AZIN2: variants seen among roughly 807,000 people sequenced by gnomAD.
The protein encoded by AZIN2 is antizyme inhibitor 2, also known as ODC antizyme inhibitor-2.
In AZIN2, 28 loss-of-function variants were observed where a neutral mutation model predicts 47.8. The ratio of observed to expected loss-of-function variants is 0.59; its 90% confidence interval spans 0.43 to 0.80. AZIN2 has a LOEUF of 0.80. Ranked by LOEUF, AZIN2 falls within the 30% of genes least tolerant of loss-of-function variation. The pLI is 0.00. For missense variants in AZIN2, 535 were observed against 582.5 expected (o/e 0.92, Z 0.84); for synonymous variants, 221 against 239.4 (o/e 0.92, Z 0.71).
At chr1:33,128,881 G>A in the AZIN2 span, among the ~76,000 whole-genome samples, 1 of 152,198 alleles carries the variant, frequency 6.6e-6, no homozygotes, top group Non-Finnish European at 1.5e-5. Context: ...TCCAAGTGGA[G>A]ATAATTGTGA....
At chr1:33,164,756 G>A in the AZIN2 span, 1 of 151,824 alleles carries the variant, frequency 6.6e-6, no homozygotes, top group East Asian at 1.9e-4. Flanking sequence ...TGACTCCTAG[G>A]CAATGGGCTT....
At chr1:33,105,387 A>T (rs936240910) in intron 10 of AZIN2, among the ~76,000 whole-genome samples, 1 of 152,080 alleles carries the variant, frequency 6.6e-6, no homozygotes, top group Non-Finnish European at 1.5e-5. Context: ...TAGTGTGTGT[A>T]TTAGTTTGTT....
chr1:33,158,897 A>G, the AZIN2 span, among the ~76,000 whole-genome samples: 1 of 151,868 alleles, frequency 6.6e-6, no homozygotes, highest in Non-Finnish European at 1.5e-5. Context: ...CTGAAGTGCA[A>G]TGGCGCGATC....
Position 33,120,349 on chromosome 1 carries a change from A to G in AZIN2, c.*167A>G. The G allele has an allele frequency of 1.1e-6, 1 of 892,234 alleles. No individual in the cohort carries two copies. The highest frequency in any genetic ancestry group is 1.7e-6 in the Non-Finnish European group (1 of 601,484). 55.3% of individuals were successfully genotyped at this position (892,234 alleles called of 1,614,324 possible). A position where few individuals can be genotyped will look rare whatever the true frequency, so the allele number is the denominator to read the frequency against. On this transcript the variant is annotated 3_prime_UTR_variant, in exon 12 of 12. Transcript: ENST00000294517. ...CTGCCCTGTAAATAGGACCAGTCTT[A>G]CACTCGCTGTAGTTCAAGTATGCAA...
At chr1:33,140,851 GT>G in the AZIN2 span, among the ~76,000 whole-genome samples, 1 of 152,206 alleles carries the variant, frequency 6.6e-6, no homozygotes, top group South Asian at 2.1e-4. The surrounding 1 kb of genome is among the most constrained non-coding windows in gnomAD (Gnocchi z 4.0). Context: ...GGTGCCTGGG[GT>G]TGTTGGAACC....
chr1:33,107,958 C>T (rs1469109957), intron 10 of AZIN2, among the ~76,000 whole-genome samples: 7 of 152,094 alleles, frequency 4.6e-5, no homozygotes, highest in Non-Finnish European at 8.8e-5. Flanking sequence ...ATCTTTTCCC[C>T]AGAAGTATAA....
intron 10 of AZIN2, among the ~76,000 whole-genome samples, chr1:33,101,276 C>T (rs867210684): frequency 6.6e-6 from 1 of 151,754 alleles, no homozygotes; most frequent in Non-Finnish European, 1.5e-5. Context: ...CAGCCCCAAG[C>T]GATTGTCCAG....
At chr1:33,115,030 T>C (rs1376517333) in intron 10 of AZIN2, among the ~76,000 whole-genome samples, 3 of 152,224 alleles carry the variant, frequency 2.0e-5, no homozygotes, top group Non-Finnish European at 2.9e-5. Context: ...TTGTTTTTTC[T>C]GTGGCTCTGT....
chr1:33,160,045 G>C, the AZIN2 span: 28 of 1,471,450 alleles, frequency 1.9e-5, no homozygotes, highest in African/African-American at 4.2e-5. Flanking sequence ...GAGAGGAAAG[G>C]GTGGGAAAGG....
At position 33,122,091 on chromosome 1, in the gene AZIN2, A is replaced by G. The variant is rs532622927; in HGVS notation, c.*1909A>G. On this transcript the variant is annotated 3_prime_UTR_variant, in exon 12 of 12. Transcript: ENST00000294517. ...ATTTACAGGTATTACCATGCCAGTAATTGTCTATCAGACTCTGAGACTTCT... is the reference window on the plus strand; with the variant it reads ...ATTTACAGGTATTACCATGCCAGTAGTTGTCTATCAGACTCTGAGACTTCT... 3.9e-5 allele frequency among the ~76,000 whole-genome samples: 6 copies of G among 152,236 alleles called. No individual in the cohort carries two copies. Among genetic ancestry groups the G allele is most frequent in the Non-Finnish European group, 7.3e-5 (5 of 68,036 alleles).
intron 10 of AZIN2, among the ~76,000 whole-genome samples, chr1:33,101,656 C>T (rs572524585): frequency 2.6e-5 from 4 of 152,258 alleles, no homozygotes; most frequent in African/African-American, 7.2e-5. Context: ...CATGCAAAGT[C>T]GTCACTATCT....
the AZIN2 span, among the ~76,000 whole-genome samples, chr1:33,144,012 C>T: frequency 2.6e-5 from 4 of 152,226 alleles, no homozygotes; most frequent in African/African-American, 7.2e-5. Context: ...TAAACCTAGT[C>T]CTTGCCTTTT....
chr1:33,149,617 G>A, the AZIN2 span, among the ~76,000 whole-genome samples: 1 of 150,276 alleles, frequency 6.7e-6, no homozygotes, highest in Non-Finnish European at 1.5e-5. Flanking sequence ...ACTATGCGCA[G>A]CTAATTTTTA....
chr1:33,087,886 A>T (rs889865272), intron 5 of AZIN2, among the ~76,000 whole-genome samples: 1 of 152,214 alleles, frequency 6.6e-6, no homozygotes, highest in African/African-American at 2.4e-5. Flanking sequence ...CTTCCTGTCC[A>T]GACACATGTC....
At chr1:33,116,655 G>C (rs950919086) in intron 10 of AZIN2, among the ~76,000 whole-genome samples, 3 of 152,210 alleles carry the variant, frequency 2.0e-5, no homozygotes, top group African/African-American at 7.2e-5. Context: ...AGTCTTCAGG[G>C]AAGACAGGCC....
chr1:33,093,239 C>T (rs775545446), intron 6 of AZIN2, 43 bp from the exon 7 acceptor site: 35 of 1,607,164 alleles, frequency 2.2e-5, no homozygotes, highest in South Asian at 5.5e-5. Context: ...TGGGGTGGGG[C>T]GACAGGGTTT....
intron 9 of AZIN2, 65 bp downstream of exon 9, chr1:33,096,934 C>A: frequency 6.2e-7 from 1 of 1,600,864 alleles, no homozygotes; most frequent in Non-Finnish European, 8.5e-7. Context: ...GTTGGCTGAG[C>A]AGGATCTGGT....
chr1:33,100,357 A>G (rs750314647), intron 10 of AZIN2, among the ~76,000 whole-genome samples: 4 of 151,660 alleles, frequency 2.6e-5, no homozygotes, highest in Admixed American at 6.6e-5. Flanking sequence ...AAAAAGTTGT[A>G]TGAAACATAA....
chr1:33,159,822 G>A, the AZIN2 span: 375 of 1,613,822 alleles, frequency 2.3e-4, 1 homozygote, highest in African/African-American at 2.9e-3. The surrounding 1 kb of genome is among the most constrained non-coding windows in gnomAD (Gnocchi z 4.2). Context: ...GCTCGATGTC[G>A]GTCAGCGTGC....
Sources: gnomAD v4.1 joint callset for allele counts (sites outside exome capture counted in the v4.1 genomes callset) on GRCh38, gnomAD v4.1.1 for gene constraint, Gnocchi (gnomAD v3.1) non-coding constraint, MANE v1.5 for transcripts, NCBI Gene and HGNC (gene_info 2026-07-23, HGNC 2026-07-21) for gene names.